Variants in JAM2 observed in about 807,000 individuals in gnomAD.
The protein encoded by JAM2 is junctional adhesion molecule B.
A neutral mutation model predicts 42.0 loss-of-function variants in JAM2; 17 were observed. The ratio of observed to expected loss-of-function variants is 0.40; its 90% CI spans 0.28 to 0.61. The LOEUF is 0.61. Ranked by LOEUF, JAM2 falls within the 20% of genes least tolerant of loss-of-function variation. The pLI is 0.37. For missense variants in JAM2, 319 were observed against 358.3 expected, an observed-to-expected ratio of 0.89 and a Z score of 0.89; for synonymous variants, 118 against 128.6, an observed-to-expected ratio of 0.92 and a Z score of 0.56.
chr21:25,648,332 C>T (rs963898413), intron 1 of JAM2, among the ~76,000 whole-genome samples: 1 of 152,114 alleles, frequency 6.6e-6, no homozygotes, highest in Non-Finnish European at 1.5e-5. Context: ...AAACATGCAG[C>T]CATCTATGTC....
intron 3 of JAM2, among the ~76,000 whole-genome samples, chr21:25,690,500 T>TTTTA (rs1039001606): frequency 1.3e-5 from 2 of 151,936 alleles, no homozygotes; most frequent in African/African-American, 2.4e-5. Context: ...GCTAATTTAA[T>TTTTA]TTTATTTATT....
At position 25,661,514 on chromosome 21, in the gene JAM2, G is replaced by A. The variant is rs74951881; in HGVS notation, c.67+21626G>A. Among the ~76,000 whole-genome samples the A allele has an allele frequency of 2.2e-4, 34 of 151,710 alleles. No individual in the cohort carries two copies. The East Asian group carries it at 4.8e-3, about 22-fold the overall frequency. ...AGTGTAGACTTCATTGTGTCTTCTA[G>A]TGTACTCACGTATAAGCATTTATGA... On this transcript the variant is annotated intron_variant, in intron 1 of 9. Coordinates refer to ENST00000480456, the MANE Select transcript of JAM2 (RefSeq NM_021219.4).
chr21:25,709,643 G>A (rs1008623144), intron 8 of JAM2, 194 bp downstream of exon 8: 1 of 415,670 alleles, frequency 2.4e-6, no homozygotes, highest in Non-Finnish European at 4.4e-6. Context: ...ACCCGAGACT[G>A]GGTAGTTTAT....
chr21:25,651,187 T>C (rs1473843314), intron 1 of JAM2, among the ~76,000 whole-genome samples: 2 of 151,868 alleles, frequency 1.3e-5, no homozygotes, highest in Non-Finnish European at 2.9e-5. Context: ...AATGACTAAT[T>C]GGGAAAGGAT....
intron 5 of JAM2, 152 bp from the exon 6 acceptor site, chr21:25,702,018 G>A (rs2034176122): frequency 2.2e-6 from 1 of 464,116 alleles, no homozygotes; most frequent in African/African-American, 1.9e-5. Flanking sequence ...TGAAGTCATG[G>A]CAGATTTTTA....
At chr21:25,682,205 A>G (rs1048990846) in intron 1 of JAM2, among the ~76,000 whole-genome samples, 5 of 152,224 alleles carry the variant, frequency 3.3e-5, no homozygotes, top group African/African-American at 9.6e-5. Context: ...TAGCATTTAT[A>G]TTTTAGATAT....
chr21:25,677,422 T>C (rs1212638877), intron 1 of JAM2, among the ~76,000 whole-genome samples: 1 of 152,210 alleles, frequency 6.6e-6, no homozygotes, highest in Admixed American at 6.5e-5. Flanking sequence ...ACAGCTGTTA[T>C]TTTTCACAGA....
Position 25,675,886 on chromosome 21 carries a change from C to T in JAM2, c.68-7997C>T, listed in dbSNP as rs531416521. On this transcript the variant is annotated intron_variant, in intron 1 of 9. Coordinates refer to ENST00000480456, the MANE Select transcript of JAM2 (RefSeq NM_021219.4). Reference sequence around the variant, plus strand: ...TGTCTTTCAGTAACTATCAAAACCACATGGCCATAAATTTTTATTTTTATG... The same window carrying T: ...TGTCTTTCAGTAACTATCAAAACCATATGGCCATAAATTTTTATTTTTATG... Among the ~76,000 whole-genome samples, 3 of 152,302 alleles carry T rather than the reference C, an allele frequency of 2.0e-5. No homozygotes were observed. In the East Asian group the frequency reaches 5.8e-4, roughly 29 times the overall value.
intron 1 of JAM2, 31 bp downstream of exon 1, chr21:25,639,919 G>A: frequency 1.4e-6 from 2 of 1,449,090 alleles, no homozygotes; most frequent in Non-Finnish European, 9.5e-7. Context: ...TACCCTTCCT[G>A]CCTGGACCAG....
At chr21:25,686,250 C>T (rs2033749713) in intron 2 of JAM2, among the ~76,000 whole-genome samples, 2 of 152,126 alleles carry the variant, frequency 1.3e-5, no homozygotes, top group African/African-American at 4.8e-5. Flanking sequence ...TAAGTGTTTT[C>T]TATTTTCTTG....
chr21:25,682,739 G>A (rs1223233401), intron 1 of JAM2, among the ~76,000 whole-genome samples: 2 of 152,224 alleles, frequency 1.3e-5, no homozygotes, highest in Non-Finnish European at 2.9e-5. Context: ...CGGGGTTGAA[G>A]GATGAATGCA....
chr21:25,657,936 T>G (rs1313997005), intron 1 of JAM2, among the ~76,000 whole-genome samples: 1 of 152,228 alleles, frequency 6.6e-6, no homozygotes. Context: ...ATGCTGGATA[T>G]TCATAAAGTT....
At chr21:25,676,286 C>CAAAAAAAAAAAAAAAAAA (rs397958040) in intron 1 of JAM2, among the ~76,000 whole-genome samples, 2 of 61,262 alleles carry the variant, frequency 3.3e-5, no homozygotes, top group African/African-American at 6.1e-5. Flanking sequence ...AGACTCGTCT[C>CAAAAAAAAAAAAAAAAAA]AAAAAAAAAA....
intron 1 of JAM2, among the ~76,000 whole-genome samples, chr21:25,662,920 G>T (rs911899125): frequency 2.6e-5 from 4 of 152,156 alleles, no homozygotes; most frequent in Non-Finnish European, 4.4e-5. Flanking sequence ...CCAATGGGAG[G>T]ATCAGACATG....
intron 1 of JAM2, among the ~76,000 whole-genome samples, chr21:25,683,403 A>G (rs1039575367): frequency 1.3e-5 from 2 of 152,088 alleles, no homozygotes; most frequent in Non-Finnish European, 2.9e-5. Flanking sequence ...ATATACATTT[A>G]TTATATATAT....
intron 1 of JAM2, among the ~76,000 whole-genome samples, chr21:25,647,996 A>T (rs2032661750): frequency 6.6e-6 from 1 of 152,216 alleles, no homozygotes; most frequent in Admixed American, 6.5e-5. Context: ...GGATCACCTG[A>T]GGTCAGGAGT....
At chr21:25,689,778 A>G in intron 2 of JAM2, 88 bp from the exon 3 acceptor site, 1 of 792,958 alleles carries the variant, frequency 1.3e-6, no homozygotes, top group South Asian at 1.5e-5. Context: ...GAGTAATTTA[A>G]AGTTGTTTAC....
intron 2 of JAM2, among the ~76,000 whole-genome samples, chr21:25,688,035 G>T (rs1465357857): frequency 2.6e-5 from 4 of 152,310 alleles, no homozygotes; most frequent in Admixed American, 1.3e-4. Context: ...TACAGCTCAA[G>T]AACAATGCAT....
At chr21:25,699,074 A>G (rs1290983133) in intron 5 of JAM2, among the ~76,000 whole-genome samples, 195 bp downstream of exon 5, 1 of 152,208 alleles carries the variant, frequency 6.6e-6, no homozygotes, top group Admixed American at 6.5e-5. Flanking sequence ...GGGAACAGAA[A>G]ACAGAGACTG....
Sources: allele counts gnomAD v4.1 joint callset (sites outside exome capture counted in the v4.1 genomes callset), GRCh38; gene constraint gnomAD v4.1.1; transcripts MANE v1.5; gene names NCBI Gene and HGNC (gene_info 2026-07-23, HGNC 2026-07-21).